The following PCSK5 variants were observed in gnomAD, a reference collection of about 807,000 sequenced individuals.
PCSK5 encodes prohormone convertase 5.
Under a neutral mutation model 233.2 loss-of-function variants are expected in PCSK5, and 129 were observed. That is an observed-to-expected ratio of 0.55 (90% CI 0.48 to 0.64). The LOEUF (loss-of-function observed/expected upper bound fraction) is 0.64, where lower values mean the gene tolerates loss of function less well. Ranked by LOEUF, PCSK5 falls within the 30% of genes least tolerant of loss-of-function variation. The pLI, the probability that PCSK5 is intolerant of heterozygous loss-of-function variation, is 0.00. For missense variants in PCSK5, 2,076 were observed against 2,430.1 expected (o/e 0.85, Z 3.06); for synonymous variants, 825 against 879.2 (o/e 0.94, Z 1.09).
chr9:76,349,154 G>C (rs986212248), intron 35 of PCSK5, among the ~76,000 whole-genome samples: 3 of 151,218 alleles, frequency 2.0e-5, no homozygotes, highest in African/African-American at 7.3e-5. Flanking sequence ...GGCTCCTGTA[G>C]TCCCAGCTAC....
At chr9:75,898,693 G>A (rs565999022) in intron 1 of PCSK5, among the ~76,000 whole-genome samples, 25 of 151,768 alleles carry the variant, frequency 1.6e-4, no homozygotes, top group African/African-American at 5.3e-4. Flanking sequence ...TAGAGATCAG[G>A]TTTTATAGGC....
chr9:76,351,447 G>GAAAGGAAAGAAGAAAGAAAAA (rs1491332963), intron 36 of PCSK5, among the ~76,000 whole-genome samples: 1 of 27,460 alleles, frequency 3.6e-5, no homozygotes, highest in African/African-American at 1.1e-4. Flanking sequence ...GTGAAAGAAA[G>GAAAGGAAAGAAGAAAGAAAAA]GAAAGAAAGA....
chr9:76,358,619 TGTG>T lies in PCSK5; in HGVS notation c.5364_5366del (p.Val1790del). On this transcript the variant is annotated inframe_deletion, in exon 38 of 38. Transcript: ENST00000674117. Reference sequence around the variant, plus strand: ...TGCTGGTGCTTCTGCTCGGGGCAGCTGTGGTAGTGTGGAAGAAATCTCGTGGCC... The same window carrying T: ...TGCTGGTGCTTCTGCTCGGGGCAGCTGTAGTGTGGAAGAAATCTCGTGGCC... 3 of 1,612,768 alleles carry T rather than the reference TGTG, an allele frequency of 1.9e-6. No individual in the cohort carries two copies. Among genetic ancestry groups the T allele is most frequent in the Middle Eastern group, 1.7e-4 (1 of 6,060 alleles).
intron 33 of PCSK5, among the ~76,000 whole-genome samples, chr9:76,328,965 C>G (rs956457564): frequency 1.6e-5 from 2 of 121,992 alleles, no homozygotes. Context: ...GGCACCATCG[C>G]TCCCGGCTAA....
Position 76,332,389 on chromosome 9 carries a change from T to C in PCSK5, c.4571-44T>C, listed in dbSNP as rs1287571297. On this transcript the variant is annotated intron_variant, in intron 33 of 37. Coordinates refer to ENST00000674117, the MANE Select transcript of PCSK5 (RefSeq NM_001372043.1). ...AGAGGGAAAATACAGGGGAGACATG[T>C]GTCATGCTCGATGTCCAAATAGACA... 6.7e-6 allele frequency: 10 copies of C among 1,492,034 alleles called. No homozygotes were observed. In the African/African-American group the frequency reaches 1.4e-4, roughly 21 times the overall value. 92.4% of individuals were successfully genotyped at this position (1,492,034 alleles called of 1,614,324 possible). A position where few individuals can be genotyped will look rare whatever the true frequency, so the allele number is the denominator to read the frequency against.
chr9:76,019,327 C>G (rs1295012417), intron 3 of PCSK5, among the ~76,000 whole-genome samples: 1 of 151,674 alleles, frequency 6.6e-6, no homozygotes, highest in Non-Finnish European at 1.5e-5. Context: ...GTATATGTAC[C>G]CTTTACCTAG....
intron 33 of PCSK5, among the ~76,000 whole-genome samples, chr9:76,328,914 T>A (rs115637845): frequency 6.6e-6 from 1 of 151,570 alleles, no homozygotes; most frequent in Non-Finnish European, 1.5e-5. Flanking sequence ...GTTCAAGCAA[T>A]TGTCATGCCT....
rs545370897 is a variant in PCSK5, at chr9:75,971,239, C to T, written c.298-14893C>T. On this transcript the variant is annotated intron_variant, in intron 2 of 37. Coordinates refer to ENST00000674117, the MANE Select transcript of PCSK5 (RefSeq NM_001372043.1). ...GAGGATAATGACTTCCAGGTCCATCCGTGTCCCTGCAAAGGACATGATTTT... is the reference window on the plus strand; with the variant it reads ...GAGGATAATGACTTCCAGGTCCATCTGTGTCCCTGCAAAGGACATGATTTT... Among the ~76,000 whole-genome samples the T allele has an allele frequency of 4.6e-5, 7 of 152,186 alleles. No homozygotes were observed. In the South Asian group the frequency reaches 6.2e-4, roughly 14 times the overall value.
intron 1 of PCSK5, among the ~76,000 whole-genome samples, chr9:75,908,978 T>TCTATCTAA (rs1554704596): frequency 3.3e-5 from 5 of 150,468 alleles, no homozygotes; most frequent in African/African-American, 7.4e-5. Flanking sequence ...TATCTATCTA[T>TCTATCTAA]CTATCTATCT....
chr9:76,068,776 A>G (rs144548805), intron 6 of PCSK5, among the ~76,000 whole-genome samples: 195 of 152,328 alleles, frequency 1.3e-3, no homozygotes, highest in African/African-American at 3.7e-3. Flanking sequence ...AATAGATTCT[A>G]TGGATCCTCA....
chr9:76,023,436 G>A (rs576610361), intron 3 of PCSK5, among the ~76,000 whole-genome samples: 1 of 152,194 alleles, frequency 6.6e-6, no homozygotes, highest in African/African-American at 2.4e-5. Context: ...AGGCTGAGGT[G>A]GGAGGATCAC....
intron 20 of PCSK5, chr9:76,193,470 C>CTCTCTTTT: frequency 6.7e-6 from 5 of 741,666 alleles, no homozygotes; most frequent in Non-Finnish European, 1.0e-5. Context: ...TCTTTTCTTG[C>CTCTCTTTT]TCTCTTTTTC....
intron 1 of PCSK5, among the ~76,000 whole-genome samples, chr9:75,920,013 A>G (rs1823178210): frequency 1.3e-5 from 2 of 152,184 alleles, no homozygotes; most frequent in Admixed American, 1.3e-4. Context: ...ACCAAAAAAT[A>G]CAAAAATTAG....
chr9:76,262,202 C>T (rs918856199), intron 24 of PCSK5, among the ~76,000 whole-genome samples: 1 of 152,006 alleles, frequency 6.6e-6, no homozygotes, highest in African/African-American at 2.4e-5. Context: ...CCATACTGCC[C>T]AAGGTAATTT....
At chr9:75,917,434 A>G (rs993154803) in intron 1 of PCSK5, among the ~76,000 whole-genome samples, 5 of 152,238 alleles carry the variant, frequency 3.3e-5, no homozygotes, top group African/African-American at 1.2e-4. Context: ...TAATATTTTA[A>G]TTAGACTGAT....
Position 76,351,533 on chromosome 9 carries a change from G to GA in PCSK5, c.5067+607dup, listed in dbSNP as rs1354864321. Among the ~76,000 whole-genome samples the GA allele has an allele frequency of 2.3e-3, 37 of 15,838 alleles. 6 individuals carry two copies. Among genetic ancestry groups the GA allele is most frequent in the Non-Finnish European group, 8.6e-3 (32 of 3,718 alleles). The allele number at this position is 15,838 out of a possible 152,430, so 10.4% of individuals were successfully genotyped here. On this transcript the variant is annotated intron_variant, in intron 36 of 37. Transcript: ENST00000674117. The stretch of plus-strand genomic sequence containing the variant: ...GAAAGAAAGAAAGAAAGAAAGAAAG[G>GA]AAGGAAAGAAAGAGAAAGAAGAGAG...
intron 24 of PCSK5, among the ~76,000 whole-genome samples, chr9:76,241,575 G>A (rs1826433471): frequency 6.6e-6 from 1 of 152,190 alleles, no homozygotes; most frequent in South Asian, 2.1e-4. Flanking sequence ...ACTCTCACAT[G>A]TAACTCTTTA....
chr9:76,188,719 T>C, intron 18 of PCSK5, 44 bp downstream of exon 18: 1 of 1,472,452 alleles, frequency 6.8e-7, no homozygotes, highest in South Asian at 1.1e-5. Flanking sequence ...GTTCTGGTTT[T>C]GCTTTTCTTT....
At chr9:76,155,396 T>C (rs1040043085) in intron 10 of PCSK5, among the ~76,000 whole-genome samples, 4 of 152,252 alleles carry the variant, frequency 2.6e-5, no homozygotes, top group Non-Finnish European at 5.9e-5. Context: ...TTATATACTA[T>C]AGTTTATTTG....
Sources: gnomAD v4.1 joint callset for allele counts (sites outside exome capture counted in the v4.1 genomes callset) on GRCh38, gnomAD v4.1.1 for gene constraint, MANE v1.5 for transcripts, NCBI Gene and HGNC (gene_info 2026-07-23, HGNC 2026-07-21) for gene names.